PLCG2: variants seen among roughly 807,000 people sequenced by gnomAD.
The protein encoded by PLCG2 is phospholipase C gamma 2, also known as 1-phosphatidylinositol 4,5-bisphosphate phosphodiesterase gamma-2.
In PLCG2, 69 loss-of-function variants were observed where a neutral mutation model predicts 175.6. That is an observed-to-expected ratio of 0.39 (90% CI 0.32 to 0.48). PLCG2 has a LOEUF of 0.48. Ranked by LOEUF, PLCG2 falls within the 20% of genes least tolerant of loss-of-function variation. The probability of loss-of-function intolerance (pLI) is 0.91; values close to 1 mark genes in which losing one functional copy is unlikely to be tolerated. For synonymous variants in PLCG2, 827 were observed against 624.0 expected (o/e 1.33, Z -4.85); for missense variants, 1,798 against 1,650.9 (o/e 1.09, Z -1.54).
intron 31 of PLCG2, 95 bp downstream of exon 31, chr16:81,946,358 C>A (rs1478014728): frequency 4.6e-6 from 4 of 872,582 alleles, no homozygotes; most frequent in Non-Finnish European, 5.9e-6. Flanking sequence ...TGGACTTAAG[C>A]CCATTCAGAA....
At chr16:81,789,845 C>T (rs1911149400) in intron 2 of PLCG2, among the ~76,000 whole-genome samples, 1 of 104,538 alleles carries the variant, frequency 9.6e-6, no homozygotes, top group African/African-American at 4.4e-5. Context: ...CCCACCTTTG[C>T]CCCCCCTCCA....
intron 2 of PLCG2, among the ~76,000 whole-genome samples, chr16:81,790,956 G>C (rs1189069725): frequency 6.6e-6 from 1 of 152,098 alleles, no homozygotes; most frequent in Non-Finnish European, 1.5e-5. Flanking sequence ...GTGGTGCAGG[G>C]GTTGAGAAAC....
chr16:81,905,574 C>A, intron 15 of PLCG2, 67 bp downstream of exon 15: 1 of 1,005,432 alleles, frequency 9.9e-7, no homozygotes, highest in East Asian at 2.4e-5. Flanking sequence ...TGGAGCCCTG[C>A]TGGGAGCTCT....
intron 1 of PLCG2, among the ~76,000 whole-genome samples, chr16:81,755,183 A>AT (rs1459422858): frequency 1.1e-4 from 17 of 151,858 alleles, no homozygotes; most frequent in Non-Finnish European, 4.4e-5. Context: ...CTGTTCCTTT[A>AT]TTTTTTATTT....
At chr16:81,906,228 C>T (rs889162626) in intron 15 of PLCG2, 7 of 152,132 alleles carry the variant, frequency 4.6e-5, no homozygotes, top group East Asian at 1.9e-4. Context: ...ATCCAGTACC[C>T]GGTGCTGCCG....
rs1459669396 is a variant in PLCG2, at chr16:81,959,249, G to A, written c.*1251G>A. ...CAAACCAGCAGTAAGCCTGATGTTT[G>A]ATGTGGATGGAACTGGCCCCTAGAA... On this transcript the variant is annotated 3_prime_UTR_variant, in exon 33 of 33. Transcript: ENST00000564138. The A allele has an allele frequency of 4.5e-6, 1 of 224,068 alleles. No homozygotes were observed. The highest frequency in any genetic ancestry group is 8.9e-6 in the Non-Finnish European group (1 of 112,338). 13.9% of individuals were successfully genotyped at this position (224,068 alleles called of 1,614,324 possible). A position where few individuals can be genotyped will look rare whatever the true frequency, so the allele number is the denominator to read the frequency against.
chr16:81,894,205 G>C lies in PLCG2; in HGVS notation c.1072+411G>C, dbSNP rs76790324. 8.5e-3 allele frequency among the ~76,000 whole-genome samples: 1,290 copies of C among 152,196 alleles called. 24 individuals are homozygous for C. The highest frequency in any genetic ancestry group is 0.029 in the African/African-American group (1,220 of 41,510). ...GCACTTCAGGAGGCTGAAGTGGGAG[G>C]ATTGTATGAGGCCAAGAGTTTGAGA... On this transcript the variant is annotated intron_variant, in intron 12 of 32. Coordinates refer to ENST00000564138, the MANE Select transcript of PLCG2 (RefSeq NM_002661.5).
chr16:81,797,870 C>T (rs1038820778), intron 2 of PLCG2, among the ~76,000 whole-genome samples: 4 of 149,994 alleles, frequency 2.7e-5, no homozygotes, highest in Non-Finnish European at 5.9e-5. Context: ...CTCACTCTGT[C>T]CCCAGGCTGA....
chr16:81,953,429 G>C (rs1337981373), intron 31 of PLCG2, among the ~76,000 whole-genome samples: 3 of 152,076 alleles, frequency 2.0e-5, no homozygotes, highest in Non-Finnish European at 4.4e-5. Flanking sequence ...GTAAGCTTAA[G>C]CTTCCAACAT....
intron 2 of PLCG2, among the ~76,000 whole-genome samples, chr16:81,815,168 C>G (rs892684043): frequency 3.3e-5 from 5 of 152,134 alleles, no homozygotes; most frequent in Non-Finnish European, 5.9e-5. Flanking sequence ...CGCTCTGGAA[C>G]GCCTCTTCAT....
chr16:81,836,925 C>T (rs1005305163), intron 2 of PLCG2, among the ~76,000 whole-genome samples: 1 of 152,160 alleles, frequency 6.6e-6, no homozygotes, highest in Non-Finnish European at 1.5e-5. Flanking sequence ...GGCATGTACT[C>T]AGTGTTTCTG....
intron 7 of PLCG2, among the ~76,000 whole-genome samples, chr16:81,876,327 T>G (rs1907788052): frequency 6.6e-6 from 1 of 152,204 alleles, no homozygotes; most frequent in South Asian, 2.1e-4. Context: ...CTGGCCTAGC[T>G]TTTCTATTGA....
At chr16:81,743,509 G>A (rs551396784) in intron 1 of PLCG2, among the ~76,000 whole-genome samples, 8 of 152,204 alleles carry the variant, frequency 5.3e-5, no homozygotes, top group Non-Finnish European at 1.2e-4. Context: ...GGACATTTCC[G>A]GAGCCAGAGG....
chr16:81,874,098 G>C (rs1388841876), intron 7 of PLCG2, among the ~76,000 whole-genome samples: 1 of 152,112 alleles, frequency 6.6e-6, no homozygotes, highest in Admixed American at 6.5e-5. Flanking sequence ...GCCTGCCCCT[G>C]GTTGTACTTG....
chr16:81,809,032 G>C (rs938922525), intron 2 of PLCG2, among the ~76,000 whole-genome samples: 1 of 152,204 alleles, frequency 6.6e-6, no homozygotes, highest in African/African-American at 2.4e-5. Context: ...TAGGGGTGAG[G>C]AAGGAGTGTG....
intron 2 of PLCG2, among the ~76,000 whole-genome samples, chr16:81,795,210 G>T (rs924020006): frequency 6.6e-6 from 1 of 152,182 alleles, no homozygotes; most frequent in African/African-American, 2.4e-5. Context: ...ATTCAATCAT[G>T]TTGGATCGTG....
At chr16:81,938,692 G>A in intron 28 of PLCG2, 109 bp from the exon 29 acceptor site, 2 of 638,158 alleles carry the variant, frequency 3.1e-6, no homozygotes, top group Non-Finnish European at 5.5e-6. Flanking sequence ...GGAAAATTAG[G>A]GCTGGCATTG....
chr16:81,924,903 C>T (rs1373569283), intron 22 of PLCG2, among the ~76,000 whole-genome samples: 1 of 152,260 alleles, frequency 6.6e-6, no homozygotes, highest in East Asian at 1.9e-4. Context: ...TCGGCTTTGC[C>T]GAAGTCCCTC....
intron 28 of PLCG2, 49 bp downstream of exon 28, chr16:81,937,952 G>C: frequency 6.3e-7 from 1 of 1,597,020 alleles, no homozygotes; most frequent in African/African-American, 1.3e-5. Flanking sequence ...GCCCTCCCTG[G>C]GGGCTGGGCC....
Sources: gnomAD v4.1 joint callset for allele counts (sites outside exome capture counted in the v4.1 genomes callset) on GRCh38, gnomAD v4.1.1 for gene constraint, MANE v1.5 for transcripts, NCBI Gene and HGNC (gene_info 2026-07-23, HGNC 2026-07-21) for gene names.